NRXN1: variants seen among roughly 807,000 people sequenced by gnomAD.
NRXN1 encodes neurexin-1.
A neutral mutation model predicts 150.9 loss-of-function variants in NRXN1; 39 were observed. That is an observed-to-expected ratio of 0.26 (90% CI 0.20 to 0.34). The LOEUF is 0.34. Among genes scored for constraint, NRXN1 ranks in the 10% least tolerant of loss-of-function variants. The pLI is 1.00. For missense variants in NRXN1, 1,815 were observed against 1,949.9 expected (o/e 0.93, Z 1.30); for synonymous variants, 924 against 757.0 (o/e 1.22, Z -3.62).
rs138197880 is a variant in NRXN1, at chr2:50,203,967, C to G, written c.3546+32822G>C. On this transcript the variant is annotated intron_variant, in intron 18 of 22. Transcript: ENST00000401669. ...ATCCAAATCTGAGAGAAAAATTTAACGCCAATACTGTGTAAATATTTCACA... is the reference window on the plus strand; with the variant it reads ...ATCCAAATCTGAGAGAAAAATTTAAGGCCAATACTGTGTAAATATTTCACA... Among the ~76,000 whole-genome samples the G allele has an allele frequency of 2.4e-4, 36 of 152,136 alleles. No individual in the cohort carries two copies. The East Asian group carries it at 5.6e-3, about 24-fold the overall frequency.
intron 17 of NRXN1, among the ~76,000 whole-genome samples, chr2:50,422,850 A>G (rs1206987551): frequency 1.3e-5 from 2 of 152,190 alleles, no homozygotes; most frequent in Non-Finnish European, 2.9e-5. Flanking sequence ...TTAGACATCA[A>G]ACACATGCAA....
In NRXN1 at chr2:49,951,581, G is replaced by A. The variant is rs867514460; in HGVS notation, c.4129-7790C>T. On this transcript the variant is annotated intron_variant, in intron 21 of 22. Transcript: ENST00000401669. ...GAATGAGTGATCAACTGTGTTTCCC[G>A]TCTCTTTGTTTCGCTTTTGGACAAA... Among the ~76,000 whole-genome samples, 31 of 152,064 alleles carry A rather than the reference G, an allele frequency of 2.0e-4. No homozygotes were observed. The Middle Eastern group carries it at 0.027, about 133-fold the overall frequency.
chr2:50,749,733 T>C (rs917096529), intron 5 of NRXN1, among the ~76,000 whole-genome samples: 6 of 152,074 alleles, frequency 3.9e-5, no homozygotes, highest in Non-Finnish European at 7.4e-5. Context: ...AATTATAATA[T>C]TTAAGATCTG....
intron 17 of NRXN1, among the ~76,000 whole-genome samples, chr2:50,319,282 G>C (rs1170167378): frequency 6.6e-6 from 1 of 152,016 alleles, no homozygotes; most frequent in Admixed American, 6.6e-5. Flanking sequence ...GTTGCATTAT[G>C]CAAAATGAAA....
intron 2 of NRXN1, chr2:50,985,500 T>A (rs935431008): frequency 6.6e-6 from 1 of 151,494 alleles, no homozygotes; most frequent in Non-Finnish European, 1.5e-5. Flanking sequence ...CAATCCAACA[T>A]CAAGTAGAAT....
chr2:49,990,232 A>T (rs1431595271), intron 21 of NRXN1, among the ~76,000 whole-genome samples: 5 of 152,126 alleles, frequency 3.3e-5, no homozygotes, highest in Non-Finnish European at 1.5e-5. Flanking sequence ...AGGGGGAAAA[A>T]CATTTCTGTC....
chr2:50,412,083 G>C (rs909473310), intron 17 of NRXN1, among the ~76,000 whole-genome samples: 43 of 152,080 alleles, frequency 2.8e-4, no homozygotes, highest in Non-Finnish European at 8.8e-5. Flanking sequence ...GGCGGTGCAA[G>C]ATGTGCTTTG....
chr2:50,037,759 T>C (rs1690268418), intron 21 of NRXN1, among the ~76,000 whole-genome samples: 1 of 152,154 alleles, frequency 6.6e-6, no homozygotes, highest in African/African-American at 2.4e-5. Flanking sequence ...ACTGGGAAGA[T>C]TAAAAGATTT....
At chr2:50,730,382 T>G in intron 5 of NRXN1, among the ~76,000 whole-genome samples, 1 of 152,150 alleles carries the variant, frequency 6.6e-6, no homozygotes, top group African/African-American at 2.4e-5. Flanking sequence ...AAACTATTTA[T>G]TTAAGTATAA....
chr2:50,416,112 T>A (rs760406256), intron 17 of NRXN1, among the ~76,000 whole-genome samples: 2 of 152,042 alleles, frequency 1.3e-5, no homozygotes, highest in Non-Finnish European at 2.9e-5. Context: ...AGCTTATACT[T>A]CAGTGGAGAC....
At chr2:50,810,180 G>A (rs147989275) in intron 5 of NRXN1, among the ~76,000 whole-genome samples, 25 of 152,220 alleles carry the variant, frequency 1.6e-4, no homozygotes, top group Admixed American at 7.2e-4. Flanking sequence ...AAGAACATGA[G>A]GTCCAACTAA....
chr2:50,823,222 T>A (rs1669981356), intron 5 of NRXN1, among the ~76,000 whole-genome samples: 1 of 152,158 alleles, frequency 6.6e-6, no homozygotes, highest in Non-Finnish European at 1.5e-5. Context: ...TATATTTTAG[T>A]TGCCAATTTT....
intron 17 of NRXN1, among the ~76,000 whole-genome samples, chr2:50,442,419 T>A (rs1475738905): frequency 6.6e-6 from 1 of 152,176 alleles, no homozygotes; most frequent in African/African-American, 2.4e-5. Context: ...AGTGCACACC[T>A]ATACACCTAT....
chr2:50,054,301 C>T (rs1166536637), intron 20 of NRXN1, among the ~76,000 whole-genome samples: 1 of 151,946 alleles, frequency 6.6e-6, no homozygotes, highest in East Asian at 1.9e-4. Context: ...ATACACAAAC[C>T]GATGGAGAAA....
intron 18 of NRXN1, among the ~76,000 whole-genome samples, chr2:50,221,205 CCTCTTATCTGTTCG>C (rs1306913379): frequency 5.3e-5 from 8 of 151,856 alleles, no homozygotes; most frequent in Admixed American, 2.0e-4. Flanking sequence ...GAACTGAATC[CCTCTTATCTGTTCG>C]CTGCCTAACA....
intron 21 of NRXN1, among the ~76,000 whole-genome samples, chr2:49,989,479 G>A (rs1573252138): frequency 6.6e-6 from 1 of 152,132 alleles, no homozygotes; most frequent in Non-Finnish European, 1.5e-5. Flanking sequence ...ATGCACTCCA[G>A]GGAAAGACCA....
intron 5 of NRXN1, among the ~76,000 whole-genome samples, chr2:50,802,503 AAGG>A (rs1559284153): frequency 0.13 from 9,846 of 77,820 alleles, 1,167 homozygotes; most frequent in East Asian, 0.16. Context: ...AGAGAAATGG[AAGG>A]AAGGAAGGAA....
chr2:50,402,577 C>A (rs2082463033), intron 17 of NRXN1, among the ~76,000 whole-genome samples: 1 of 152,024 alleles, frequency 6.6e-6, no homozygotes, highest in African/African-American at 2.4e-5. Flanking sequence ...TAGTAGCTTT[C>A]GGAGAGCAAG....
chr2:50,616,769 G>A (rs1679130842), intron 8 of NRXN1, among the ~76,000 whole-genome samples: 1 of 152,066 alleles, frequency 6.6e-6, no homozygotes, highest in Non-Finnish European at 1.5e-5. Context: ...CAGACAAGGT[G>A]TTATTAGAAT....
Sources: gnomAD v4.1 joint callset for allele counts (sites outside exome capture counted in the v4.1 genomes callset) on GRCh38, gnomAD v4.1.1 for gene constraint, MANE v1.5 for transcripts, NCBI Gene and HGNC (gene_info 2026-07-23, HGNC 2026-07-21) for gene names.